The following GHR variants were observed in gnomAD, a reference collection of about 807,000 sequenced individuals.
GHR encodes the protein growth hormone receptor, also known as GH receptor.
A neutral mutation model predicts 67.1 loss-of-function variants in GHR; 35 were observed. That is an observed-to-expected ratio of 0.52 (90% CI 0.40 to 0.69). GHR has a LOEUF of 0.69. GHR is among the 30% of genes least tolerant of loss of function. The probability of loss-of-function intolerance (pLI) is 0.00; values close to 1 mark genes in which losing one functional copy is unlikely to be tolerated. For missense variants in GHR, 792 were observed against 764.6 expected, an observed-to-expected ratio of 1.04 and a Z score of -0.42; for synonymous variants, 272 against 269.1, an observed-to-expected ratio of 1.01 and a Z score of -0.10.
chr5:42,576,796 C>A (rs1750771797), intron 2 of GHR, among the ~76,000 whole-genome samples: 1 of 152,166 alleles, frequency 6.6e-6, no homozygotes, highest in Admixed American at 6.5e-5. Context: ...ACTCTAGTTC[C>A]TGTGCTTCTA....
At position 42,659,661 on chromosome 5, in the gene GHR, C is replaced by T. The variant is rs145864781; in HGVS notation, c.137-29229C>T. Reference sequence around the variant, plus strand: ...GCCAAATAGGAACAGCTCCGGTCTACAGCTCCCAGCGTGAGCGACACAGAA... The same window carrying T: ...GCCAAATAGGAACAGCTCCGGTCTATAGCTCCCAGCGTGAGCGACACAGAA... On this transcript the variant is annotated intron_variant, in intron 3 of 9. Coordinates refer to ENST00000230882, the MANE Select transcript of GHR (RefSeq NM_000163.5). 2.5e-3 allele frequency among the ~76,000 whole-genome samples: 380 copies of T among 152,308 alleles called. 1 individual carries two copies. Among genetic ancestry groups the T allele is most frequent in the African/African-American group, 8.6e-3 (357 of 41,566 alleles).
At chr5:42,450,689 T>C (rs151150650) in intron 1 of GHR, among the ~76,000 whole-genome samples, 44 of 152,262 alleles carry the variant, frequency 2.9e-4, no homozygotes, top group African/African-American at 9.9e-4. Flanking sequence ...GTTTGTTTTT[T>C]TCTTGTTTCC....
At chr5:42,464,041 C>A (rs2112063162) in intron 1 of GHR, among the ~76,000 whole-genome samples, 2 of 136,194 alleles carry the variant, frequency 1.5e-5, no homozygotes, top group East Asian at 4.0e-4. Context: ...TTAGTGTTAC[C>A]TTGTTGATAT....
At chr5:42,572,541 A>G (rs1282834287) in intron 2 of GHR, among the ~76,000 whole-genome samples, 1 of 152,190 alleles carries the variant, frequency 6.6e-6, no homozygotes, top group South Asian at 2.1e-4. Flanking sequence ...AGTATTCCTT[A>G]GTGCCCTGTC....
intron 1 of GHR, chr5:42,468,699 G>A: frequency 2.1e-6 from 2 of 971,214 alleles, no homozygotes; most frequent in South Asian, 1.3e-5. Flanking sequence ...GGTCTGGGTC[G>A]CAGCCTGAGC....
chr5:42,604,076 G>T (rs905501523), intron 2 of GHR, among the ~76,000 whole-genome samples: 5 of 152,236 alleles, frequency 3.3e-5, no homozygotes, highest in Non-Finnish European at 7.3e-5. Context: ...ACAGCCAGAA[G>T]AAGAGATGTC....
At chr5:42,438,896 A>G (rs145220432) in intron 1 of GHR, among the ~76,000 whole-genome samples, 1 of 152,338 alleles carries the variant, frequency 6.6e-6, no homozygotes, top group African/African-American at 2.4e-5. Flanking sequence ...CTCCTAGAAA[A>G]TAAATATTTG....
At chr5:42,634,396 A>ACCC (rs11440371) in intron 3 of GHR, among the ~76,000 whole-genome samples, 1 of 151,488 alleles carries the variant, frequency 6.6e-6, no homozygotes, top group African/African-American at 2.4e-5. Flanking sequence ...TGCTTTTTGC[A>ACCC]CCCCCCCTTA....
At chr5:42,703,089 T>C (rs1758008681) in intron 6 of GHR, among the ~76,000 whole-genome samples, 1 of 152,102 alleles carries the variant, frequency 6.6e-6, no homozygotes, top group African/African-American at 2.4e-5. Flanking sequence ...TTTCCACTTT[T>C]GTTGCCTGTT....
chr5:42,454,999 C>T (rs940675649), intron 1 of GHR, among the ~76,000 whole-genome samples: 4 of 152,116 alleles, frequency 2.6e-5, no homozygotes, highest in African/African-American at 9.7e-5. Context: ...CTGAGGGCCC[C>T]TGTGAGATAT....
At chr5:42,663,140 T>C (rs1040150320) in intron 3 of GHR, among the ~76,000 whole-genome samples, 4 of 152,152 alleles carry the variant, frequency 2.6e-5, no homozygotes, top group African/African-American at 9.7e-5. Context: ...CCCAGATGGA[T>C]TCACAGCCGA....
At chr5:42,655,834 T>C (rs188241905) in intron 3 of GHR, among the ~76,000 whole-genome samples, 31 of 152,038 alleles carry the variant, frequency 2.0e-4, no homozygotes, top group African/African-American at 7.2e-4. Context: ...CAAATAGTCT[T>C]TGGGATAATT....
At chr5:42,568,597 T>A (rs1010096763) in intron 2 of GHR, among the ~76,000 whole-genome samples, 5 of 152,190 alleles carry the variant, frequency 3.3e-5, no homozygotes, top group African/African-American at 1.2e-4. Flanking sequence ...ATAAATTAGG[T>A]CGTATATCTC....
chr5:42,696,708 G>A (rs1333514253), intron 5 of GHR, among the ~76,000 whole-genome samples: 1 of 152,134 alleles, frequency 6.6e-6, no homozygotes, highest in East Asian at 1.9e-4. Flanking sequence ...CTGTCACGAG[G>A]TACCTTTGAG....
At chr5:42,530,447 A>G (rs552444612) in intron 1 of GHR, among the ~76,000 whole-genome samples, 5 of 152,328 alleles carry the variant, frequency 3.3e-5, no homozygotes, top group Admixed American at 1.3e-4. Context: ...CAAGTTACCA[A>G]TTGAGTTAAA....
intron 1 of GHR, among the ~76,000 whole-genome samples, chr5:42,447,828 A>G (rs1743879296): frequency 6.7e-6 from 1 of 149,718 alleles, no homozygotes; most frequent in Non-Finnish European, 1.5e-5. Flanking sequence ...TGGTGCCATG[A>G]TCTCAGCTCA....
At chr5:42,531,053 A>C (rs1358481977) in intron 1 of GHR, among the ~76,000 whole-genome samples, 1 of 152,290 alleles carries the variant, frequency 6.6e-6, no homozygotes, top group Non-Finnish European at 1.5e-5. Flanking sequence ...GGATCACCTG[A>C]GGTCAAGAGT....
chr5:42,658,464 CA>C (rs1323843226), intron 3 of GHR, among the ~76,000 whole-genome samples: 2 of 152,124 alleles, frequency 1.3e-5, no homozygotes, highest in Non-Finnish European at 2.9e-5. Flanking sequence ...AAGCAAATGG[CA>C]AAAACTTAGC....
chr5:42,491,518 A>C (rs1032353587), intron 1 of GHR, among the ~76,000 whole-genome samples: 1 of 152,208 alleles, frequency 6.6e-6, no homozygotes, highest in Non-Finnish European at 1.5e-5. Context: ...TTTCTATGAA[A>C]GGTAGATACT....
Sources: allele counts gnomAD v4.1 joint callset (sites outside exome capture counted in the v4.1 genomes callset), GRCh38; gene constraint gnomAD v4.1.1; transcripts MANE v1.5; gene names NCBI Gene and HGNC (gene_info 2026-07-23, HGNC 2026-07-21).